The following SYT3 variants were observed in gnomAD, a reference collection of about 807,000 sequenced individuals.
The protein encoded by SYT3 is synaptotagmin-3.
A neutral mutation model predicts 50.6 loss-of-function variants in SYT3; 25 were observed. The observed-to-expected ratio is 0.49, with a 90% CI of 0.36 to 0.69. The LOEUF (loss-of-function observed/expected upper bound fraction) is 0.69. SYT3 is among the 30% of genes least tolerant of loss of function. The pLI is 0.00. For missense variants in SYT3, 589 were observed against 793.6 expected, an observed-to-expected ratio of 0.74 and a Z score of 3.10; for synonymous variants, 323 against 353.9, an observed-to-expected ratio of 0.91 and a Z score of 0.98.
At chr19:50,646,891 C>T in the SYT3 span, among the ~76,000 whole-genome samples, 9 of 151,964 alleles carry the variant, frequency 5.9e-5, no homozygotes, top group African/African-American at 1.7e-4. Flanking sequence ...AGTGCAGTGG[C>T]GCGATCTCGG....
Position 50,629,123 on chromosome 19 carries a change from C to T in SYT3, c.1281+171G>A, listed in dbSNP as rs1984181256. Among the ~76,000 whole-genome samples, 4 of 152,138 alleles carry T rather than the reference C, an allele frequency of 2.6e-5. 1 individual carries two copies. The South Asian group carries it at 8.3e-4, about 31-fold the overall frequency. ...TAGGCATGAGCTACCGCGCCCGGCTCATTCTCTATTCTTGCCTGTAAGTTT... is the reference window on the plus strand; with the variant it reads ...TAGGCATGAGCTACCGCGCCCGGCTTATTCTCTATTCTTGCCTGTAAGTTT... On this transcript the variant is annotated intron_variant, in intron 6 of 10. Transcript: ENST00000600079.
chr19:50,626,250 G>A (rs1347265090), intron 6 of SYT3: 8 of 498,502 alleles, frequency 1.6e-5, no homozygotes, highest in Non-Finnish European at 2.8e-5. Context: ...GCATGAGTGA[G>A]GGGAGAGAGA....
At chr19:50,653,972 G>A in the SYT3 span, among the ~76,000 whole-genome samples, 3 of 151,966 alleles carry the variant, frequency 2.0e-5, no homozygotes, top group African/African-American at 7.3e-5. Context: ...CTGGGAGGGG[G>A]GGATTTTGGT....
At chr19:50,654,858 A>C in the SYT3 span, among the ~76,000 whole-genome samples, 1 of 152,200 alleles carries the variant, frequency 6.6e-6, no homozygotes. Flanking sequence ...CTGGTCAAGA[A>C]CCAGAATTGT....
Position 50,632,595 on chromosome 19 carries a change from C to T in SYT3, c.365G>A (p.Gly122Asp). Residue 122 changes from glycine to aspartate, a missense_variant, in exon 4 of 11, where the codon GGT becomes GAT. Coordinates refer to ENST00000600079, the MANE Select transcript of SYT3 (RefSeq NM_001160329.2). This position sits in a 1 kb window ranked among gnomAD's most constrained non-coding sequence, Gnocchi z 4.7. Reference protein sequence around the residue: ...GGGHHLAAGLGGHPLLGGPHH... With the variant: ...GGGHHLAAGLDGHPLLGGPHH... ...TGGGCCGCCCAGCAGAGGATGGCCACCCAGGCCAGCCGCCAGGTGGTGCCC... is the reference window on the plus strand; with the variant it reads ...TGGGCCGCCCAGCAGAGGATGGCCATCCAGGCCAGCCGCCAGGTGGTGCCC... 2 of 1,578,688 alleles carry T rather than the reference C, an allele frequency of 1.3e-6. No individual in the cohort carries two copies. The highest frequency in any genetic ancestry group is 8.6e-7 in the Non-Finnish European group (1 of 1,162,562).
chr19:50,626,173 T>A, intron 6 of SYT3, 156 bp from the exon 7 acceptor site: 1 of 1,216,410 alleles, frequency 8.2e-7, no homozygotes, highest in Non-Finnish European at 1.1e-6. Context: ...CAAGGCCCAG[T>A]AATTCCCTGG....
intron 6 of SYT3, among the ~76,000 whole-genome samples, chr19:50,627,461 C>G (rs1984116718): frequency 6.6e-6 from 1 of 152,218 alleles, no homozygotes; most frequent in Non-Finnish European, 1.5e-5. Flanking sequence ...TGGCTGATGC[C>G]TGTAATCCCA....
chr19:50,634,562 T>C, intron 3 of SYT3, among the ~76,000 whole-genome samples: 1 of 140,416 alleles, frequency 7.1e-6, no homozygotes, highest in Non-Finnish European at 1.5e-5. Context: ...CCCCCCTCCC[T>C]CTTGGGGTGC....
Position 50,625,784 on chromosome 19 carries a change from A to G in SYT3, c.1402+113T>C. The G allele has an allele frequency of 5.4e-6, 3 of 551,728 alleles. 1 individual carries two copies. In the South Asian group the frequency reaches 5.6e-5, roughly 10 times the overall value. 34.2% of individuals were successfully genotyped at this position (551,728 alleles called of 1,614,324 possible). A position where few individuals can be genotyped will look rare whatever the true frequency, so the allele number is the denominator to read the frequency against. ...CCTCCTCCCTCAGACCCAGGAGTCC[A>G]GATCCCCAGCTCCTCCTCCCTCAGA... On this transcript the variant is annotated intron_variant, in intron 7 of 10. Coordinates refer to ENST00000600079, the MANE Select transcript of SYT3 (RefSeq NM_001160329.2). This position sits in a 1 kb window ranked among gnomAD's most constrained non-coding sequence, Gnocchi z 7.5.
chr19:50,626,057 C>T, intron 6 of SYT3, 40 bp from the exon 7 acceptor site: 2 of 1,601,768 alleles, frequency 1.2e-6, no homozygotes, highest in East Asian at 2.3e-5. Context: ...TTGCCTCAGC[C>T]CCTCTTCAAC....
chr19:50,639,743 G>C lies in SYT3; in HGVS notation c.-154+47C>G, dbSNP rs1984614901. 1.3e-5 allele frequency: 2 copies of C among 154,406 alleles called. No individual in the cohort carries two copies. The highest frequency in any genetic ancestry group is 6.5e-5 in the Admixed American group (1 of 15,298). The allele number at this position is 154,406 out of a possible 1,614,324, so 9.6% of individuals were successfully genotyped here. Reference sequence around the variant, plus strand: ...GCGCCGGGGCCGACCCCAGGGATTTGACTGGGGCTGGGGCTGTGGCAGGAG... The same window carrying C: ...GCGCCGGGGCCGACCCCAGGGATTTCACTGGGGCTGGGGCTGTGGCAGGAG... On this transcript the variant is annotated intron_variant, in intron 1 of 10. Transcript: ENST00000600079. This position sits in a 1 kb window ranked among gnomAD's most constrained non-coding sequence, Gnocchi z 4.6.
At chr19:50,638,467 G>C (rs568433875) in intron 2 of SYT3, among the ~76,000 whole-genome samples, 3 of 149,338 alleles carry the variant, frequency 2.0e-5, no homozygotes, top group African/African-American at 7.4e-5. Context: ...GGGAGGGAGA[G>C]ATACAGGGAG....
chr19:50,626,317 T>C (rs1236633047), intron 6 of SYT3, among the ~76,000 whole-genome samples: 5 of 151,458 alleles, frequency 3.3e-5, no homozygotes, highest in Non-Finnish European at 5.9e-5. Flanking sequence ...AGAAATAGAC[T>C]GAGACAGAAG....
chr19:50,642,034 T>G (rs1431536380), upstream of SYT3, among the ~76,000 whole-genome samples: 3 of 152,118 alleles, frequency 2.0e-5, no homozygotes, highest in African/African-American at 4.8e-5. Context: ...ATGTGTACAT[T>G]TTGCAGCCAT....
In SYT3 at chr19:50,637,821, G is replaced by T; in HGVS notation, c.-15-395C>A. The stretch of plus-strand genomic sequence containing the variant: ...AATGAGGATGCACAAATAAAGGGAT[G>T]GACAGATGAGGAAACAAAGATTAGG... On this transcript the variant is annotated intron_variant, in intron 2 of 10. Transcript: ENST00000600079. This position sits in a 1 kb window ranked among gnomAD's most constrained non-coding sequence, Gnocchi z 4.9. 5.7e-6 allele frequency: 1 copy of T among 174,080 alleles called. No individual in the cohort carries two copies. Among genetic ancestry groups the T allele is most frequent in the Non-Finnish European group, 1.2e-5 (1 of 81,258 alleles). 10.8% of individuals were successfully genotyped at this position (174,080 alleles called of 1,614,324 possible).
Position 50,629,294 on chromosome 19 carries a change from C to G in SYT3, c.1281G>C (p.Ser427=), listed in dbSNP as rs778913847. The G allele has an allele frequency of 1.9e-6, 3 of 1,591,388 alleles. No homozygotes were observed. Among genetic ancestry groups the G allele is most frequent in the East Asian group, 2.3e-5 (1 of 44,356 alleles). ...PLWRDIVEGG[S]EKADLGELNF... ...AAGGTCAGGGGAGAGGGCCACTGAC[C>G]GAGCCGCCCTCCACGATGTCCCTCC... is the stretch of plus-strand genomic sequence containing the variant. Residue 427 remains serine (S), a splice_region_variant and synonymous_variant, in exon 6 of 11, where the codon TCG becomes TCC. Transcript: ENST00000600079.
chr19:50,632,492 G>A lies in SYT3; in HGVS notation c.468C>T (p.Thr156=), dbSNP rs375488676. 1 of 1,612,614 alleles carries A rather than the reference G, an allele frequency of 6.2e-7. No individual in the cohort carries two copies. The highest frequency in any genetic ancestry group is 1.7e-5 in the Admixed American group (1 of 59,954). The change falls in exon 4 of 11, where the codon ACC becomes ACT. Residue 156 remains threonine, a synonymous_variant. Transcript: ENST00000600079. The surrounding 1 kb of genome is among the most constrained non-coding windows in gnomAD (Gnocchi z 4.7). ...LEPGSLGGSD[T]PEPSYLDMDS... is the part of the protein sequence containing the mutation. ...CCATGTCCAAGTAGGAGGGCTCAGGGGTGTCAGAACCCCCCAGGCTGCCTG... is the reference window on the plus strand; with the variant it reads ...CCATGTCCAAGTAGGAGGGCTCAGGAGTGTCAGAACCCCCCAGGCTGCCTG...
intron 9 of SYT3, among the ~76,000 whole-genome samples, chr19:50,624,182 C>T (rs1983959305): frequency 6.6e-6 from 1 of 152,146 alleles, no homozygotes; most frequent in African/African-American, 2.4e-5. Context: ...TCAGGCTAGT[C>T]TTAAACTCCC....
intron 9 of SYT3, among the ~76,000 whole-genome samples, chr19:50,623,405 C>T (rs577421141): frequency 1.3e-5 from 2 of 152,174 alleles, no homozygotes; most frequent in South Asian, 2.1e-4. Context: ...CAGACTAAAT[C>T]TGGTGATGTG....
Sources: gnomAD v4.1 joint callset for allele counts (sites outside exome capture counted in the v4.1 genomes callset) on GRCh38, gnomAD v4.1.1 for gene constraint, Gnocchi (gnomAD v3.1) non-coding constraint, MANE v1.5 for transcripts, NCBI Gene and HGNC (gene_info 2026-07-23, HGNC 2026-07-21) for gene names.